Variants in SH3D19 observed in about 807,000 individuals in gnomAD.
SH3D19 encodes the protein SH3 domain containing 19.
In SH3D19, 58 loss-of-function variants were observed where a neutral mutation model predicts 112.1. The ratio of observed to expected loss-of-function variants is 0.52; its 90% CI spans 0.42 to 0.64. The LOEUF is 0.64. Among genes scored for constraint, SH3D19 ranks in the 30% least tolerant of loss-of-function variants. SH3D19 has a pLI of 0.00. For missense variants in SH3D19, 1,090 were observed against 1,263.4 expected (o/e 0.86, Z 2.08); for synonymous variants, 391 against 448.5 (o/e 0.87, Z 1.62).
chr4:151,233,410 C>T (rs1769767926), intron 1 of SH3D19, among the ~76,000 whole-genome samples: 1 of 152,108 alleles, frequency 6.6e-6, no homozygotes, highest in East Asian at 1.9e-4. Context: ...GTTTGCCAGG[C>T]TACATTCCCT....
In SH3D19 at chr4:151,148,254, TACACACACACAC is replaced by T. The variant is rs34219685; in HGVS notation, c.1818-80_1818-69del. ...TATTAAATTCTGTCCTGTCCTGTCT[TACACACACACAC>T]ACACACACACACACACACACACAGA... On this transcript the variant is annotated intron_variant, in intron 10 of 19. Coordinates refer to ENST00000604030, the MANE Select transcript of SH3D19 (RefSeq NM_001378122.1). 1.1e-4 allele frequency: 111 copies of T among 983,816 alleles called. No individual in the cohort carries two copies. The Admixed American group carries it at 1.5e-3, about 13-fold the overall frequency. 60.9% of individuals were successfully genotyped at this position (983,816 alleles called of 1,614,324 possible). A position where few individuals can be genotyped will look rare whatever the true frequency, so the allele number is the denominator to read the frequency against.
At chr4:151,302,996 C>T (rs1434966446) in intron 1 of SH3D19, among the ~76,000 whole-genome samples, 1 of 152,000 alleles carries the variant, frequency 6.6e-6, no homozygotes, top group Non-Finnish European at 1.5e-5. Flanking sequence ...TGCACATGTA[C>T]CCCAGAACTT....
Position 151,291,482 on chromosome 4 carries a change from G to C in SH3D19, c.112+33759C>G, listed in dbSNP as rs754476099. 2.7e-5 allele frequency: 39 copies of C among 1,432,952 alleles called. No homozygotes were observed. In the South Asian group the frequency reaches 4.5e-4, roughly 16 times the overall value. The allele number at this position is 1,432,952 out of a possible 1,614,324, so 88.8% of individuals were successfully genotyped here. A position where few individuals can be genotyped will look rare whatever the true frequency, so the allele number is the denominator to read the frequency against. On this transcript the variant is annotated intron_variant, in intron 1 of 19. Transcript: ENST00000604030. ...ACAGGAGAGCCACTGCTAACCCTGG[G>C]TGACTTTATTTACAATTTGAAATGA...
At chr4:151,306,667 T>C (rs1167574644) in intron 1 of SH3D19, among the ~76,000 whole-genome samples, 1 of 152,248 alleles carries the variant, frequency 6.6e-6, no homozygotes, top group Non-Finnish European at 1.5e-5. Flanking sequence ...GCAAAACCCA[T>C]GTGCTCAAGG....
At chr4:151,127,749 A>C in intron 18 of SH3D19, 34 bp from the exon 19 acceptor site, 11 of 1,236,182 alleles carry the variant, frequency 8.9e-6, no homozygotes, top group Non-Finnish European at 1.2e-5. Context: ...ATATATAGAA[A>C]CACAGTGGAC....
chr4:151,148,137 G>A lies in SH3D19; in HGVS notation c.1867C>T (p.Pro623Ser), dbSNP rs370763485. The change falls in exon 11 of 20, where the codon CCC (proline) becomes TCC (serine). Residue 623 changes from proline (P) to serine (S), a missense_variant. Coordinates refer to ENST00000604030, the MANE Select transcript of SH3D19 (RefSeq NM_001378122.1). ...IPTQQPPTKV[P>S]PERPPPPKLS... ...TTTGGGGGAGGTGGTCTCTCAGGGG[G>A]CACCTTGGTTGGAGGCTGTTGAGTT... 37 of 1,612,818 alleles carry A rather than the reference G, an allele frequency of 2.3e-5. No individual in the cohort carries two copies. The highest frequency in any genetic ancestry group is 3.0e-5 in the Non-Finnish European group (35 of 1,179,736).
intron 1 of SH3D19, among the ~76,000 whole-genome samples, chr4:151,307,327 T>A (rs529768033): frequency 6.6e-6 from 1 of 152,340 alleles, no homozygotes; most frequent in African/African-American, 2.4e-5. Context: ...CGGCCCCTAA[T>A]GATGACTTCT....
intron 15 of SH3D19, 110 bp from the exon 16 acceptor site, chr4:151,133,346 A>G (rs540970207): frequency 1.2e-6 from 1 of 833,008 alleles, no homozygotes; most frequent in South Asian, 1.7e-5. Flanking sequence ...CCATGGAATA[A>G]GGTATACTAG....
rs796218861 is a variant in SH3D19 at position 151,146,522 on chromosome 4, TTTG to T, written c.2082+1397_2082+1399del. Among the ~76,000 whole-genome samples, 391 of 151,838 alleles carry T rather than the reference TTTG, an allele frequency of 2.6e-3. 1 individual carries two copies. Among genetic ancestry groups the T allele is most frequent in the African/African-American group, 8.8e-3 (366 of 41,396 alleles). ...CAAAGTAGAGAACACATCAACTGTTTTTGTTGTTGTTGTTGTTGTTTTGTTTTT... is the reference window on the plus strand; with the variant it reads ...CAAAGTAGAGAACACATCAACTGTTTTTGTTGTTGTTGTTGTTTTGTTTTT... On this transcript the variant is annotated intron_variant, in intron 11 of 19. Coordinates refer to ENST00000604030, the MANE Select transcript of SH3D19 (RefSeq NM_001378122.1).
At chr4:151,164,720 C>T (rs1024255628) in intron 8 of SH3D19, among the ~76,000 whole-genome samples, 1 of 151,990 alleles carries the variant, frequency 6.6e-6, no homozygotes, top group African/African-American at 2.4e-5. Context: ...GTTGGGACTA[C>T]AGGCGCGCAG....
intron 1 of SH3D19, among the ~76,000 whole-genome samples, chr4:151,265,725 C>T (rs1021725992): frequency 5.9e-5 from 9 of 151,738 alleles, no homozygotes; most frequent in East Asian, 3.9e-4. Flanking sequence ...TACAAGTGTG[C>T]ACCACCACAC....
Position 151,175,498 on chromosome 4 carries a change from G to T in SH3D19, c.706C>A (p.Pro236Thr). The change falls in exon 7 of 20, where the codon CCA (proline) becomes ACA (threonine). Residue 236 changes from proline (P) to threonine (T), a missense_variant. Pro to Thr is a conservative substitution (Grantham distance 38). Coordinates refer to ENST00000604030, the MANE Select transcript of SH3D19 (RefSeq NM_001378122.1). Reference sequence around the variant, plus strand: ...TTAATGTGAGAATCTCTGGGTATTGGTCTGAGGTTGCTTTTTGATCTTGGT... The same window carrying T: ...TTAATGTGAGAATCTCTGGGTATTGTTCTGAGGTTGCTTTTTGATCTTGGT... ...PKPRSKSNLR[P>T]IPRDSHIKEQ... 2 of 1,430,162 alleles carry T rather than the reference G, an allele frequency of 1.4e-6. No individual in the cohort carries two copies. The highest frequency in any genetic ancestry group is 1.6e-5 in the South Asian group (1 of 61,932). 88.6% of individuals were successfully genotyped at this position (1,430,162 alleles called of 1,614,324 possible). A position where few individuals can be genotyped will look rare whatever the true frequency, so the allele number is the denominator to read the frequency against.
chr4:151,276,031 C>T (rs1255380259), intron 1 of SH3D19, among the ~76,000 whole-genome samples: 3 of 151,792 alleles, frequency 2.0e-5, no homozygotes, highest in South Asian at 2.1e-4. Context: ...TTAGTAGAGA[C>T]GGGATTTCAC....
intron 2 of SH3D19, among the ~76,000 whole-genome samples, chr4:151,203,000 T>C (rs1005033090): frequency 1.3e-5 from 2 of 152,146 alleles, no homozygotes; most frequent in Non-Finnish European, 2.9e-5. Flanking sequence ...ATTTCAAGAA[T>C]GCTGGGGGAT....
intron 1 of SH3D19, among the ~76,000 whole-genome samples, chr4:151,251,190 T>C (rs1373001777): frequency 2.8e-5 from 2 of 72,182 alleles, no homozygotes; most frequent in Non-Finnish European, 9.2e-5. Flanking sequence ...TTTCTTTTTC[T>C]TTTTTTCCTT....
intron 1 of SH3D19, among the ~76,000 whole-genome samples, chr4:151,323,567 C>G (rs1417866624): frequency 6.6e-6 from 1 of 152,202 alleles, no homozygotes; most frequent in Non-Finnish European, 1.5e-5. Context: ...CCCTCTTACT[C>G]ATTCCATTAC....
At chr4:151,183,443 G>A (rs891081625) in intron 3 of SH3D19, among the ~76,000 whole-genome samples, 3 of 152,110 alleles carry the variant, frequency 2.0e-5, no homozygotes, top group Admixed American at 6.6e-5. Context: ...CTCAGCGATC[G>A]TCCTACTCAA....
chr4:151,213,909 T>C (rs1329232690), intron 2 of SH3D19, among the ~76,000 whole-genome samples: 1 of 151,102 alleles, frequency 6.6e-6, no homozygotes, highest in Non-Finnish European at 1.5e-5. Context: ...TGGGTGTTTC[T>C]CACAGAGAGG....
intron 17 of SH3D19, among the ~76,000 whole-genome samples, chr4:151,130,229 C>A (rs1399173963): frequency 1.3e-5 from 2 of 152,046 alleles, no homozygotes; most frequent in Non-Finnish European, 2.9e-5. Flanking sequence ...AGCGCTTGAG[C>A]CCAGGATTTT....
Sources: gnomAD v4.1 joint callset for allele counts (sites outside exome capture counted in the v4.1 genomes callset) on GRCh38, gnomAD v4.1.1 for gene constraint, MANE v1.5 for transcripts, NCBI Gene and HGNC (gene_info 2026-07-23, HGNC 2026-07-21) for gene names.